The following GYPB variants were observed in gnomAD, a reference collection of about 807,000 sequenced individuals.
GYPB encodes glycophorin-B.
GYPB carries 13 observed loss-of-function variants against 15.3 expected under a neutral mutation model. That is an observed-to-expected ratio of 0.85 (90% confidence interval 0.55 to 1.35). The LOEUF is 1.35. Among genes scored for constraint, GYPB ranks in the 40% most tolerant of loss-of-function variants. The pLI is 0.00. For synonymous variants in GYPB, 38 were observed against 36.9 expected (o/e 1.03, Z -0.11); for missense variants, 131 against 108.3 (o/e 1.21, Z -0.93).
rs550230706 is a variant in GYPB, at chr4:144,008,467, C to T, written c.38-7184G>A. ...AGGGTGACCTGCAGTGGCAAATCCA[C>T]ATTACGGAAGAGAAGATGGTTCTGG... On this transcript the variant is annotated intron_variant, in intron 1 of 4. Transcript: ENST00000502664. The T allele has an allele frequency of 2.2e-3, 991 of 455,240 alleles. 22 individuals carry two copies. Among genetic ancestry groups the T allele is most frequent in the South Asian group, 0.015 (956 of 64,550 alleles). 28.2% of individuals were successfully genotyped at this position (455,240 alleles called of 1,614,324 possible).
At chr4:144,007,438 G>C (rs1406138740) in intron 1 of GYPB, among the ~76,000 whole-genome samples, 1 of 151,562 alleles carries the variant, frequency 6.6e-6, no homozygotes, top group Non-Finnish European at 1.5e-5. Flanking sequence ...CTATCTCGAA[G>C]GTGTTGTGGC....
chr4:144,008,595 C>T (rs1728049026), intron 1 of GYPB: 2 of 433,314 alleles, frequency 4.6e-6, no homozygotes, highest in Non-Finnish European at 9.3e-6. Flanking sequence ...AAGGGGATTT[C>T]ACATATTTTA....
chr4:143,997,370 A>C, intron 4 of GYPB, 170 bp downstream of exon 4: 1 of 515,852 alleles, frequency 1.9e-6, no homozygotes, highest in Non-Finnish European at 3.5e-6. Context: ...GGCAAATGCA[A>C]AAAAAAAATT....
chr4:144,015,902 A>G (rs1057235843), intron 1 of GYPB, among the ~76,000 whole-genome samples: 2 of 151,138 alleles, frequency 1.3e-5, no homozygotes, highest in African/African-American at 4.9e-5. Context: ...CAGGTGTTAA[A>G]TGATTTTTCA....
chr4:144,013,938 A>G (rs1728357985), intron 1 of GYPB, among the ~76,000 whole-genome samples: 1 of 151,432 alleles, frequency 6.6e-6, no homozygotes, highest in African/African-American at 2.5e-5. Context: ...TAATGGGTGA[A>G]GGACTAGAAC....
At chr4:144,013,643 A>G (rs1294761491) in intron 1 of GYPB, among the ~76,000 whole-genome samples, 7 of 150,984 alleles carry the variant, frequency 4.6e-5, no homozygotes, top group Non-Finnish European at 1.5e-5. Flanking sequence ...ATTGGAAATC[A>G]TCATTCTCAG....
intron 3 of GYPB, among the ~76,000 whole-genome samples, chr4:143,998,120 A>G (rs994266026): frequency 6.6e-6 from 1 of 151,444 alleles, no homozygotes; most frequent in Non-Finnish European, 1.5e-5. Flanking sequence ...AATAAGGTTA[A>G]CTTAGCCTTG....
chr4:144,015,314 C>T (rs1728432614), intron 1 of GYPB, among the ~76,000 whole-genome samples: 1 of 150,840 alleles, frequency 6.6e-6, no homozygotes, highest in Non-Finnish European at 1.5e-5. Context: ...TAGTTTAGTT[C>T]ATTTATCACA....
intron 1 of GYPB, among the ~76,000 whole-genome samples, chr4:144,001,998 G>A (rs72727501): frequency 0.41 from 56,557 of 139,274 alleles, 12,162 homozygotes; most frequent in East Asian, 0.58. Flanking sequence ...AACCACACAC[G>A]CAAACAGGAA....
At chr4:144,002,399 T>G (rs1409431206) in intron 1 of GYPB, among the ~76,000 whole-genome samples, 1 of 151,736 alleles carries the variant, frequency 6.6e-6, no homozygotes, top group Non-Finnish European at 1.5e-5. Context: ...ATCCCTATGC[T>G]GTCAAATATT....
intron 1 of GYPB, among the ~76,000 whole-genome samples, chr4:144,005,589 G>C (rs1383206750): frequency 6.6e-6 from 1 of 151,548 alleles, no homozygotes; most frequent in Non-Finnish European, 1.5e-5. Context: ...GCAATGCTGA[G>C]ATGAGAGTCA....
At position 143,996,219 on chromosome 4, in the gene GYPB, G is replaced by A. The variant is rs1727300405; in HGVS notation, c.*80C>T. On this transcript the variant is annotated 3_prime_UTR_variant, in exon 5 of 5. Coordinates refer to ENST00000502664, the MANE Select transcript of GYPB (RefSeq NM_002100.6). Reference sequence around the variant, plus strand: ...AGGGGCATAAGCAAAGGAATAGCAGGTGCAGCCAGTTTGCATAAACAAGAG... The same window carrying A: ...AGGGGCATAAGCAAAGGAATAGCAGATGCAGCCAGTTTGCATAAACAAGAG... The A allele has an allele frequency of 1.3e-6, 2 of 1,549,448 alleles. No individual in the cohort carries two copies. Among genetic ancestry groups the A allele is most frequent in the Non-Finnish European group, 1.7e-6 (2 of 1,146,456 alleles).
chr4:143,998,624 C>A (rs1727447697), intron 3 of GYPB, among the ~76,000 whole-genome samples: 1 of 140,710 alleles, frequency 7.1e-6, no homozygotes, highest in African/African-American at 2.8e-5. Flanking sequence ...AGGGATGTCC[C>A]TTCAGCAGAG....
intron 1 of GYPB, among the ~76,000 whole-genome samples, chr4:144,001,641 T>C (rs1388479551): frequency 6.6e-6 from 1 of 151,360 alleles, no homozygotes; most frequent in African/African-American, 2.5e-5. Flanking sequence ...ATGTGATGTG[T>C]ATGTGTTAGT....
In GYPB at chr4:143,999,528, T is replaced by C. The variant is rs945263580; in HGVS notation, c.137-79A>G. ...AAAAATCATTTTGGAATCAAACTGT[T>C]CTGCGGGTTTCCTTTTCTTAATCAT... On this transcript the variant is annotated intron_variant, in intron 2 of 4. Coordinates refer to ENST00000502664, the MANE Select transcript of GYPB (RefSeq NM_002100.6). The C allele has an allele frequency of 1.1e-5, 8 of 752,986 alleles. 1 individual carries two copies. The African/African-American group carries it at 1.5e-4, about 14-fold the overall frequency. 46.6% of individuals were successfully genotyped at this position (752,986 alleles called of 1,614,324 possible).
At chr4:144,014,143 T>C (rs1275394935) in intron 1 of GYPB, among the ~76,000 whole-genome samples, 3 of 151,938 alleles carry the variant, frequency 2.0e-5, no homozygotes, top group South Asian at 2.1e-4. Context: ...CCTCATACAC[T>C]CTGGTGAAAA....
rs139511876 is a variant in GYPB at position 143,997,535 on chromosome 4, C to A, written c.270+5G>T. ...TTAGAGCAAAATTAAAAACTGAATT[C>A]TCACCTTTATCAGTCGGCGAATACT... On this transcript the variant is annotated splice_donor_5th_base_variant and intron_variant, in intron 4 of 4. Coordinates refer to ENST00000502664, the MANE Select transcript of GYPB (RefSeq NM_002100.6). 2,467 of 1,529,030 alleles carry A rather than the reference C, an allele frequency of 1.6e-3. 166 individuals are homozygous for A. The African/African-American group carries it at 0.03, about 19-fold the overall frequency. The allele number at this position is 1,529,030 out of a possible 1,614,324, so 94.7% of individuals were successfully genotyped here.
At chr4:144,013,342 A>G (rs1046358132) in intron 1 of GYPB, among the ~76,000 whole-genome samples, 3 of 151,132 alleles carry the variant, frequency 2.0e-5, no homozygotes, top group African/African-American at 4.9e-5. Flanking sequence ...TAGTTCAACC[A>G]TTGTGGAAGT....
chr4:144,005,479 G>A (rs1182155308), intron 1 of GYPB, among the ~76,000 whole-genome samples: 14 of 151,992 alleles, frequency 9.2e-5, no homozygotes, highest in Admixed American at 7.2e-4. Context: ...TCATTTTGAT[G>A]ATTTTTTTCC....
Sources: gnomAD v4.1 joint callset for allele counts (sites outside exome capture counted in the v4.1 genomes callset) on GRCh38, gnomAD v4.1.1 for gene constraint, MANE v1.5 for transcripts, NCBI Gene and HGNC (gene_info 2026-07-23, HGNC 2026-07-21) for gene names.